UTRN: variants seen among roughly 807,000 people sequenced by gnomAD.
The protein encoded by UTRN is dystrophin-related protein 1.
Under a neutral mutation model 463.9 loss-of-function variants are expected in UTRN, and 283 were observed. The observed-to-expected ratio is 0.61, with a 90% CI of 0.55 to 0.67. The LOEUF (loss-of-function observed/expected upper bound fraction) is 0.67. Among genes scored for constraint, UTRN ranks in the 30% least tolerant of loss-of-function variants. The probability of loss-of-function intolerance (pLI) is 0.00; values close to 1 mark genes in which losing one functional copy is unlikely to be tolerated. For missense variants in UTRN, 3,922 were observed against 4,084.3 expected, an observed-to-expected ratio of 0.96 and a Z score of 1.08; for synonymous variants, 1,442 against 1,431.5, an observed-to-expected ratio of 1.01 and a Z score of -0.17.
At chr6:144,600,693 G>A (rs1378101870) in intron 51 of UTRN, among the ~76,000 whole-genome samples, 1 of 152,218 alleles carries the variant, frequency 6.6e-6, no homozygotes, top group East Asian at 1.9e-4. Flanking sequence ...TGATGTTGAA[G>A]CTGCAGCAAG....
At position 144,435,995 on chromosome 6, in the gene UTRN, G is replaced by A; in HGVS notation, c.916G>A (p.Glu306Lys). 1 of 1,614,222 alleles carries A rather than the reference G, an allele frequency of 6.2e-7. No individual in the cohort carries two copies. The highest frequency in any genetic ancestry group is 8.5e-7 in the Non-Finnish European group (1 of 1,180,048). ...AGCTGAAACTCCCAGCACTGTCACT[G>A]AGGTTGACATGGATCTGGACAGCTA... Reference protein sequence around the residue: ...PRAETPSTVTEVDMDLDSYQI... With the variant: ...PRAETPSTVTKVDMDLDSYQI... Residue 306 changes from glutamate (E) to lysine (K), a missense_variant, in exon 10 of 75, where the codon GAG becomes AAG. Transcript: ENST00000367545.
At chr6:144,292,719 G>C (rs1234870258) in intron 2 of UTRN, among the ~76,000 whole-genome samples, 3 of 152,184 alleles carry the variant, frequency 2.0e-5, no homozygotes, top group Non-Finnish European at 4.4e-5. Context: ...CCCTGAGTGT[G>C]AACACTATAC....
chr6:144,769,646 A>G (rs1371248401), intron 58 of UTRN, among the ~76,000 whole-genome samples: 1 of 152,178 alleles, frequency 6.6e-6, no homozygotes, highest in Admixed American at 6.5e-5. Context: ...CAGAGAAAGC[A>G]TATTTGTTGT....
intron 66 of UTRN, among the ~76,000 whole-genome samples, chr6:144,825,414 T>C (rs547825968): frequency 1.5e-3 from 226 of 152,342 alleles, no homozygotes; most frequent in African/African-American, 5.1e-3. Flanking sequence ...TATCATTTAA[T>C]CTTTTTTTCT....
chr6:144,836,636 C>T, intron 71 of UTRN, 95 bp downstream of exon 71: 2 of 1,516,598 alleles, frequency 1.3e-6, no homozygotes, highest in Non-Finnish European at 1.8e-6. Context: ...GCAGAGAAGT[C>T]CACTTTCAAT....
chr6:144,841,287 G>C (rs1426465684), intron 73 of UTRN, among the ~76,000 whole-genome samples: 3 of 152,146 alleles, frequency 2.0e-5, no homozygotes, highest in African/African-American at 7.2e-5. Flanking sequence ...TGCAGAAAGG[G>C]ATTGTTTTCA....
intron 54 of UTRN, among the ~76,000 whole-genome samples, chr6:144,736,989 A>G (rs1231235652): frequency 1.3e-5 from 2 of 152,034 alleles, no homozygotes; most frequent in Admixed American, 6.6e-5. Flanking sequence ...GTCTTCCTGG[A>G]CGCTTTCCCT....
rs540298779 is a variant in UTRN, at chr6:144,730,473, A to G, written c.7926A>G (p.Leu2642=). Residue 2642 remains leucine, a synonymous_variant, in exon 54 of 75, where the codon CTA becomes CTG. Coordinates refer to ENST00000367545, the MANE Select transcript of UTRN (RefSeq NM_007124.3). ...CCCCTGAAGAGCCAAGAAGAAACCT[A>G]CAATCAAAAACAGGTGAGACTGGTT... ...IEAPEEPRRN[L]QSKTELTPEE... The G allele has an allele frequency of 2.1e-4, 343 of 1,607,928 alleles. No individual in the cohort carries two copies. Among genetic ancestry groups the G allele is most frequent in the Non-Finnish European group, 2.9e-4 (336 of 1,176,856 alleles).
At chr6:144,363,383 G>C (rs1779240955) in intron 2 of UTRN, among the ~76,000 whole-genome samples, 1 of 152,222 alleles carries the variant, frequency 6.6e-6, no homozygotes. Flanking sequence ...TGGTTTTCCA[G>C]AACTGGTGAG....
At chr6:144,677,879 G>T (rs530944539) in intron 51 of UTRN, among the ~76,000 whole-genome samples, 5 of 152,156 alleles carry the variant, frequency 3.3e-5, no homozygotes, top group African/African-American at 9.6e-5. Context: ...TCATATGTTT[G>T]TTGGCCACAT....
intron 32 of UTRN, among the ~76,000 whole-genome samples, chr6:144,492,509 C>A (rs187343554): frequency 2.6e-5 from 4 of 152,194 alleles, no homozygotes; most frequent in Middle Eastern, 3.4e-3. Context: ...TTTGGTAGAA[C>A]GATTATCCTC....
chr6:144,805,000 T>A (rs1268410208), intron 65 of UTRN, among the ~76,000 whole-genome samples: 1 of 152,120 alleles, frequency 6.6e-6, no homozygotes, highest in Non-Finnish European at 1.5e-5. Context: ...AGGGTCATCC[T>A]AGGGATGTGG....
At chr6:144,388,481 ATTATTTATTTATTTAT>A (rs57479570) in intron 2 of UTRN, among the ~76,000 whole-genome samples, 5 of 143,886 alleles carry the variant, frequency 3.5e-5, no homozygotes, top group South Asian at 2.2e-4. Flanking sequence ...CCTGGCTAAT[ATTATTTATTTATTTAT>A]TTATTTATTT....
intron 73 of UTRN, 145 bp from the exon 74 acceptor site, chr6:144,846,660 G>T: frequency 9.2e-7 from 1 of 1,090,766 alleles, no homozygotes; most frequent in Non-Finnish European, 1.3e-6. Context: ...TGTGTTTCTT[G>T]TTTTTCCTAT....
intron 2 of UTRN, among the ~76,000 whole-genome samples, chr6:144,367,555 G>A (rs1050919129): frequency 2.6e-5 from 4 of 152,088 alleles, no homozygotes; most frequent in African/African-American, 9.7e-5. Flanking sequence ...TCAAGTTACT[G>A]TTAGAATTAA....
At chr6:144,576,691 C>T (rs960664939) in intron 50 of UTRN, among the ~76,000 whole-genome samples, 2 of 152,050 alleles carry the variant, frequency 1.3e-5, no homozygotes, top group Non-Finnish European at 2.9e-5. Context: ...GCAGTATCAA[C>T]AAATATTCGT....
intron 51 of UTRN, among the ~76,000 whole-genome samples, chr6:144,645,401 T>G (rs192015107): frequency 1.3e-5 from 2 of 152,346 alleles, no homozygotes; most frequent in African/African-American, 4.8e-5. Flanking sequence ...GTCTTTAAAT[T>G]CACTGGCTTC....
chr6:144,332,796 C>T (rs533780080), intron 2 of UTRN, among the ~76,000 whole-genome samples: 2 of 152,074 alleles, frequency 1.3e-5, no homozygotes, highest in African/African-American at 4.8e-5. Context: ...GTGATTTACT[C>T]TTATCTGTGC....
At chr6:144,695,589 C>T (rs989091947) in intron 52 of UTRN, among the ~76,000 whole-genome samples, 1 of 152,240 alleles carries the variant, frequency 6.6e-6, no homozygotes, top group Non-Finnish European at 1.5e-5. Flanking sequence ...GTGATTCACC[C>T]GCCTCAGCCT....
Sources: allele counts gnomAD v4.1 joint callset (sites outside exome capture counted in the v4.1 genomes callset), GRCh38; gene constraint gnomAD v4.1.1; transcripts MANE v1.5; gene names NCBI Gene and HGNC (gene_info 2026-07-23, HGNC 2026-07-21).